The following FAM135B variants were observed in gnomAD, a reference collection of about 807,000 sequenced individuals.
FAM135B encodes family with sequence similarity 135 member B.
Under a neutral mutation model 127.7 loss-of-function variants are expected in FAM135B, and 43 were observed. That is an observed-to-expected ratio of 0.34 (90% CI 0.26 to 0.43). FAM135B has a LOEUF of 0.43. Among genes scored for constraint, FAM135B ranks in the 20% least tolerant of loss-of-function variants. The pLI is 1.00. For missense variants in FAM135B, 1,558 were observed against 1,725.6 expected (o/e 0.90, Z 1.72); for synonymous variants, 670 against 665.1 (o/e 1.01, Z -0.11).
intron 1 of FAM135B, among the ~76,000 whole-genome samples, chr8:138,487,770 G>A (rs1815039187): frequency 6.6e-6 from 1 of 152,172 alleles, no homozygotes; most frequent in South Asian, 2.1e-4. Context: ...GGGAGGCCAA[G>A]GTGGGAGGAT....
At chr8:138,444,452 T>C (rs1835988681) in intron 1 of FAM135B, among the ~76,000 whole-genome samples, 1 of 152,116 alleles carries the variant, frequency 6.6e-6, no homozygotes, top group Admixed American at 6.5e-5. Context: ...ACAAACTCTC[T>C]CTCAGACCAC....
intron 1 of FAM135B, among the ~76,000 whole-genome samples, chr8:138,422,610 AT>A (rs979786845): frequency 1.3e-5 from 2 of 152,206 alleles, no homozygotes; most frequent in Non-Finnish European, 2.9e-5. Context: ...AAGTCAAAAA[AT>A]AACAGAAAAA....
chr8:138,442,406 T>C (rs1184623915), intron 1 of FAM135B, among the ~76,000 whole-genome samples: 1 of 151,730 alleles, frequency 6.6e-6, no homozygotes, highest in African/African-American at 2.4e-5. Flanking sequence ...CTACTATGTG[T>C]CAGGCACATA....
intron 3 of FAM135B, among the ~76,000 whole-genome samples, chr8:138,285,769 T>C (rs1490149400): frequency 6.6e-6 from 1 of 152,228 alleles, no homozygotes; most frequent in African/African-American, 2.4e-5. Context: ...TTGACCTGAA[T>C]TGCTCTAAAC....
chr8:138,238,900 A>T (rs1203626493), intron 7 of FAM135B, among the ~76,000 whole-genome samples: 1 of 152,214 alleles, frequency 6.6e-6, no homozygotes, highest in Non-Finnish European at 1.5e-5. Context: ...AAGTCCTGAA[A>T]ATAACCCATT....
At chr8:138,177,557 C>T in intron 10 of FAM135B, 137 bp from the exon 11 acceptor site, 1 of 703,578 alleles carries the variant, frequency 1.4e-6, no homozygotes, top group Middle Eastern at 4.2e-4. Flanking sequence ...CCTGAAGGTT[C>T]TGAATCAACA....
chr8:138,408,933 A>G (rs905044394), intron 1 of FAM135B, among the ~76,000 whole-genome samples: 1 of 152,190 alleles, frequency 6.6e-6, no homozygotes, highest in Non-Finnish European at 1.5e-5. Flanking sequence ...TCAAACCACA[A>G]AAACTTTCTC....
intron 5 of FAM135B, among the ~76,000 whole-genome samples, chr8:138,253,231 C>T (rs989113978): frequency 5.3e-5 from 8 of 152,144 alleles, no homozygotes; most frequent in South Asian, 2.1e-4. Context: ...AAGAATTTCC[C>T]GATCAGCAGA....
At position 138,150,700 on chromosome 8, in the gene FAM135B, A is replaced by G. The variant is rs543695946; in HGVS notation, c.3281+494T>C. On this transcript the variant is annotated intron_variant, in intron 13 of 19. Coordinates refer to ENST00000395297, the MANE Select transcript of FAM135B (RefSeq NM_015912.4). ...AATAAATAAATAAATAAATAAATAA[A>G]TAGTTGAACAAAATTTAAAGGTTCA... Among the ~76,000 whole-genome samples the G allele has an allele frequency of 2.8e-3, 422 of 152,006 alleles. 1 individual carries two copies. Among genetic ancestry groups the G allele is most frequent in the Non-Finnish European group, 4.4e-3 (301 of 67,968 alleles).
intron 1 of FAM135B, among the ~76,000 whole-genome samples, chr8:138,409,992 CCACATTCTAAACT>C: frequency 6.6e-6 from 1 of 152,030 alleles, no homozygotes; most frequent in South Asian, 2.1e-4. Flanking sequence ...GCTTCAGGGC[CCACATTCTAAACT>C]GTCATTGCAT....
intron 7 of FAM135B, among the ~76,000 whole-genome samples, chr8:138,198,836 T>G (rs533805086): frequency 1.1e-3 from 169 of 152,176 alleles, no homozygotes; most frequent in African/African-American, 3.9e-3. Flanking sequence ...AGATTTGTTC[T>G]TAGAGCAGAG....
At chr8:138,316,381 C>T (rs553900048) in intron 2 of FAM135B, among the ~76,000 whole-genome samples, 1 of 152,112 alleles carries the variant, frequency 6.6e-6, no homozygotes, top group South Asian at 2.1e-4. Flanking sequence ...GTAGTCCCAG[C>T]TACTCGGGAG....
chr8:138,227,243 C>T (rs1322433623), intron 7 of FAM135B, among the ~76,000 whole-genome samples: 1 of 152,184 alleles, frequency 6.6e-6, no homozygotes, highest in African/African-American at 2.4e-5. Flanking sequence ...CCTAGTCAAA[C>T]CAATTATCCT....
intron 2 of FAM135B, among the ~76,000 whole-genome samples, chr8:138,354,967 C>T (rs1829999724): frequency 6.6e-6 from 1 of 152,060 alleles, no homozygotes; most frequent in South Asian, 2.1e-4. Context: ...CCCATTAACT[C>T]GTCATTTACA....
intron 1 of FAM135B, among the ~76,000 whole-genome samples, chr8:138,403,263 A>G (rs188925421): frequency 9.2e-5 from 14 of 151,948 alleles, no homozygotes; most frequent in African/African-American, 3.4e-4. Flanking sequence ...TTCCCATTCA[A>G]CCCTTCAAAT....
Position 138,242,308 on chromosome 8 carries a change from A to G in FAM135B, c.669+634T>C, listed in dbSNP as rs931583784. Among the ~76,000 whole-genome samples, 1 of 151,840 alleles carries G rather than the reference A, an allele frequency of 6.6e-6. No individual in the cohort carries two copies. The highest frequency in any genetic ancestry group is 2.1e-4 in the South Asian group (1 of 4,804). On this transcript the variant is annotated intron_variant, in intron 7 of 19. Coordinates refer to ENST00000395297, the MANE Select transcript of FAM135B (RefSeq NM_015912.4). The surrounding 1 kb of genome is among the most constrained non-coding windows in gnomAD (Gnocchi z 9.6). The stretch of plus-strand genomic sequence containing the variant: ...AGTAGGCCACTAATAAAAACATAGC[A>G]TATACTGGCTTGGGAGAAATATGAG...
intron 1 of FAM135B, among the ~76,000 whole-genome samples, chr8:138,428,858 A>G (rs1186912773): frequency 1.3e-5 from 2 of 152,208 alleles, no homozygotes; most frequent in African/African-American, 2.4e-5. Flanking sequence ...TTTAATTTGA[A>G]TATCTCATTC....
chr8:138,486,151 G>A (rs1436228982), intron 1 of FAM135B, among the ~76,000 whole-genome samples: 2 of 152,110 alleles, frequency 1.3e-5, no homozygotes, highest in African/African-American at 4.8e-5. Flanking sequence ...TTGCTGGTCA[G>A]TAGATGCTTT....
chr8:138,198,156 T>C (rs1816816463), intron 7 of FAM135B, among the ~76,000 whole-genome samples: 1 of 152,148 alleles, frequency 6.6e-6, no homozygotes, highest in South Asian at 2.1e-4. Context: ...GCTGTTCTCA[T>C]GATAGTGAAT....
Sources: allele counts gnomAD v4.1 joint callset (sites outside exome capture counted in the v4.1 genomes callset), GRCh38; gene constraint gnomAD v4.1.1; non-coding constraint Gnocchi (gnomAD v3.1); transcripts MANE v1.5; gene names NCBI Gene and HGNC (gene_info 2026-07-23, HGNC 2026-07-21).